Variants in TMEM181 observed in about 807,000 individuals in gnomAD.
TMEM181 encodes G protein-coupled receptor 178.
A neutral mutation model predicts 71.9 loss-of-function variants in TMEM181; 39 were observed. The ratio of observed to expected loss-of-function variants is 0.54; its 90% CI spans 0.42 to 0.71. The LOEUF (loss-of-function observed/expected upper bound fraction) is 0.71. Among genes scored for constraint, TMEM181 ranks in the 30% least tolerant of loss-of-function variants. The pLI is 0.00. For synonymous variants in TMEM181, 245 were observed against 228.8 expected (o/e 1.07, Z -0.64); for missense variants, 595 against 583.0 (o/e 1.02, Z -0.21).
intron 1 of TMEM181, among the ~76,000 whole-genome samples, chr6:158,569,241 A>G (rs1477509811): frequency 6.6e-6 from 1 of 152,216 alleles, no homozygotes; most frequent in Admixed American, 6.5e-5. Context: ...GCCTTGGCCC[A>G]TGATAGCCCT....
chr6:158,575,614 A>T (rs1440570337), intron 2 of TMEM181, among the ~76,000 whole-genome samples: 1 of 152,176 alleles, frequency 6.6e-6, no homozygotes, highest in Non-Finnish European at 1.5e-5. Flanking sequence ...CACCGCAGCC[A>T]GCCAAGTCTA....
In TMEM181 at chr6:158,620,813, C is replaced by T. The variant is rs1444936801; in HGVS notation, c.897-2737C>T. Among the ~76,000 whole-genome samples the T allele has an allele frequency of 2.6e-5, 4 of 151,978 alleles. No homozygotes were observed. Among genetic ancestry groups the T allele is most frequent in the Admixed American group, 1.3e-4 (2 of 15,254 alleles). ...GAGCCTCTGTCCCCAACATCTGTCCCGGGTTTCAGCACCAAATGTAAGTGT... is the reference window on the plus strand; with the variant it reads ...GAGCCTCTGTCCCCAACATCTGTCCTGGGTTTCAGCACCAAATGTAAGTGT... On this transcript the variant is annotated intron_variant, in intron 10 of 16. Transcript: ENST00000684151. This position sits in a 1 kb window ranked among gnomAD's most constrained non-coding sequence, Gnocchi z 4.5.
chr6:158,601,852 C>T (rs1784687906), intron 6 of TMEM181, among the ~76,000 whole-genome samples: 1 of 151,904 alleles, frequency 6.6e-6, no homozygotes, highest in Non-Finnish European at 1.5e-5. Flanking sequence ...TCTGAAGTTT[C>T]TTGAGATTAA....
intron 1 of TMEM181, among the ~76,000 whole-genome samples, chr6:158,545,623 T>C (rs978473956): frequency 2.0e-5 from 3 of 150,748 alleles, no homozygotes; most frequent in African/African-American, 7.3e-5. Context: ...GGAAACATGC[T>C]GTAAGGGGGC....
chr6:158,560,029 C>G (rs573131801), upstream of TMEM181: 10,686 of 985,020 alleles, frequency 0.011, 65 homozygotes, highest in Non-Finnish European at 0.012. Context: ...TTCCACCGCG[C>G]CGCGCCCTCT....
intron 1 of TMEM181, among the ~76,000 whole-genome samples, chr6:158,564,416 G>A (rs1782368049): frequency 6.6e-6 from 1 of 152,206 alleles, no homozygotes; most frequent in Non-Finnish European, 1.5e-5. Flanking sequence ...GTCTTACAGG[G>A]AAGCTCCCAG....
At chr6:158,583,475 C>T (rs993265279) in intron 3 of TMEM181, among the ~76,000 whole-genome samples, 1 of 152,004 alleles carries the variant, frequency 6.6e-6, no homozygotes, top group African/African-American at 2.4e-5. Flanking sequence ...GTTTCTTCTT[C>T]TGAAAGGCAA....
intron 1 of TMEM181, among the ~76,000 whole-genome samples, chr6:158,552,918 A>G (rs1473543821): frequency 1.3e-5 from 2 of 152,232 alleles, no homozygotes; most frequent in African/African-American, 2.4e-5. Context: ...AGCCAGGCAC[A>G]GGGGCTCATG....
chr6:158,625,868 C>T, intron 13 of TMEM181, 114 bp downstream of exon 13: 1 of 948,468 alleles, frequency 1.1e-6, no homozygotes, highest in Non-Finnish European at 1.6e-6. Flanking sequence ...GCCCAGTAGA[C>T]TCATGAGGTT....
intron 1 of TMEM181, among the ~76,000 whole-genome samples, chr6:158,568,897 A>G (rs926455430): frequency 4.6e-5 from 7 of 152,222 alleles, no homozygotes; most frequent in Non-Finnish European, 7.3e-5. Flanking sequence ...CATGAGCAAC[A>G]GTTTTAGAGC....
In TMEM181 at chr6:158,582,989, C is replaced by T. The variant is rs544552597; in HGVS notation, c.169-965C>T. 2.5e-3 allele frequency among the ~76,000 whole-genome samples: 381 copies of T among 151,958 alleles called. 2 individuals carry two copies. Among genetic ancestry groups the T allele is most frequent in the African/African-American group, 8.5e-3 (352 of 41,478 alleles). On this transcript the variant is annotated intron_variant, in intron 3 of 16. Transcript: ENST00000684151. ...GTGGCTCATGCTTGTAATCCCAGCA[C>T]TTTGGGAGGCCGAGGTGGGCTGATC... is the stretch of plus-strand genomic sequence containing the variant.
At chr6:158,617,966 T>A (rs1413113562) in intron 10 of TMEM181, among the ~76,000 whole-genome samples, 3 of 152,240 alleles carry the variant, frequency 2.0e-5, no homozygotes, top group Non-Finnish European at 4.4e-5. Context: ...TGATTAGGGA[T>A]GGAGAGTTCT....
chr6:158,622,259 G>A (rs780857202), intron 10 of TMEM181, among the ~76,000 whole-genome samples: 22 of 152,104 alleles, frequency 1.4e-4, no homozygotes, highest in Non-Finnish European at 2.1e-4. Flanking sequence ...AATAAAAGTT[G>A]TGTGACGTGC....
intron 10 of TMEM181, 68 bp downstream of exon 10, chr6:158,608,818 C>A (rs1785117930): frequency 6.8e-7 from 1 of 1,475,198 alleles, no homozygotes; most frequent in African/African-American, 1.4e-5. Flanking sequence ...AAAGGCCAGG[C>A]CAGGCGTAGT....
chr6:158,588,787 A>G (rs1783932770), intron 5 of TMEM181, among the ~76,000 whole-genome samples: 1 of 152,180 alleles, frequency 6.6e-6, no homozygotes. Context: ...TAAAACCCAC[A>G]CCTGTTTTCT....
chr6:158,626,827 C>G, intron 13 of TMEM181: 1 of 442,724 alleles, frequency 2.3e-6, no homozygotes, highest in Admixed American at 2.4e-5. Context: ...CTCACACACA[C>G]ACCTTCACAC....
chr6:158,613,565 C>T (rs1434910388), intron 10 of TMEM181, among the ~76,000 whole-genome samples: 1 of 152,132 alleles, frequency 6.6e-6, no homozygotes, highest in Non-Finnish European at 1.5e-5. Flanking sequence ...TAGCACAGGT[C>T]AGAAACTCTG....
chr6:158,610,882 T>C (rs1785263839), intron 10 of TMEM181: 1 of 393,936 alleles, frequency 2.5e-6, no homozygotes, highest in African/African-American at 2.1e-5. Context: ...GTACATGACA[T>C]AGTAGTGAAG....
intron 1 of TMEM181, among the ~76,000 whole-genome samples, chr6:158,565,409 A>G (rs753591386): frequency 1.3e-5 from 2 of 152,284 alleles, no homozygotes; most frequent in South Asian, 2.1e-4. Flanking sequence ...CTGAGCAAGC[A>G]TTGTGGCCTC....
Sources: allele counts gnomAD v4.1 joint callset (sites outside exome capture counted in the v4.1 genomes callset), GRCh38; gene constraint gnomAD v4.1.1; non-coding constraint Gnocchi (gnomAD v3.1); transcripts MANE v1.5; gene names NCBI Gene and HGNC (gene_info 2026-07-23, HGNC 2026-07-21).